Variants in PPP1R1C observed in about 807,000 individuals in gnomAD.
PPP1R1C encodes protein phosphatase 1 regulatory inhibitor subunit 1C, also known as protein phosphatase 1 regulatory subunit 1C.
Under a neutral mutation model 17.4 loss-of-function variants are expected in PPP1R1C, and 15 were observed. The observed-to-expected ratio is 0.86, with a 90% CI of 0.58 to 1.33. PPP1R1C has a LOEUF of 1.33. Ranked by LOEUF, PPP1R1C falls within the 40% of genes most tolerant of loss-of-function variation. The pLI is 0.00. For missense variants in PPP1R1C, 143 were observed against 130.0 expected, an observed-to-expected ratio of 1.10 and a Z score of -0.48; for synonymous variants, 35 against 43.1, an observed-to-expected ratio of 0.81 and a Z score of 0.73.
chr2:182,104,856 G>T (rs150879126), intron 4 of PPP1R1C, among the ~76,000 whole-genome samples: 122 of 152,264 alleles, frequency 8.0e-4, no homozygotes, highest in African/African-American at 2.7e-3. Context: ...TTAAATGTTT[G>T]GCGGAATTCA....
At position 182,117,063 on chromosome 2, in the gene PPP1R1C, G is replaced by A. The variant is rs1689605114; in HGVS notation, c.242-144G>A. The A allele has an allele frequency of 9.2e-6, 6 of 653,558 alleles. No homozygotes were observed. The Admixed American group carries it at 1.2e-4, about 13-fold the overall frequency. The allele number at this position is 653,558 out of a possible 1,614,324, so 40.5% of individuals were successfully genotyped here. Reference sequence around the variant, plus strand: ...CTCAGTGAATTAAAAGGTTTATATAGGATTACATTGTTAAGATTCTTGGAG... The same window carrying A: ...CTCAGTGAATTAAAAGGTTTATATAAGATTACATTGTTAAGATTCTTGGAG... On this transcript the variant is annotated intron_variant, in intron 4 of 4. Coordinates refer to ENST00000682840, the MANE Select transcript of PPP1R1C (RefSeq NM_001080545.3).
At chr2:182,112,983 A>C (rs1480443624) in intron 4 of PPP1R1C, among the ~76,000 whole-genome samples, 1 of 152,212 alleles carries the variant, frequency 6.6e-6, no homozygotes, top group Non-Finnish European at 1.5e-5. Flanking sequence ...TTTGTAACTT[A>C]TAGTACTCAA....
chr2:181,963,858 G>A (rs1684853964), intron 1 of PPP1R1C, among the ~76,000 whole-genome samples: 2 of 151,118 alleles, frequency 1.3e-5, no homozygotes, highest in South Asian at 4.2e-4. Flanking sequence ...GTATTTATGA[G>A]GTACGTAAGA....
intron 4 of PPP1R1C, among the ~76,000 whole-genome samples, chr2:182,112,260 C>T (rs974195112): frequency 6.6e-6 from 1 of 151,934 alleles, no homozygotes; most frequent in Non-Finnish European, 1.5e-5. Flanking sequence ...TTCTGTGTTT[C>T]CCAGAGTTCA....
rs1427602202 is a variant in PPP1R1C, at chr2:181,986,188, G to A, written c.78G>A (p.Glu26=). 1.2e-6 allele frequency: 2 copies of A among 1,611,734 alleles called. No individual in the cohort carries two copies. The highest frequency in any genetic ancestry group is 1.7e-6 in the Non-Finnish European group (2 of 1,177,822). Residue 26 remains glutamate (E), a synonymous_variant, in exon 1 of 5, where the codon GAG becomes GAA. Transcript: ENST00000682840. ...FQSQIAPEAA[E]QIRKRRPTPA... ...GTCAGATTGCACCTGAAGCAGCAGA[G>A]CAGGTATGTGAAATTGCATGGAGAA...
chr2:181,974,579 C>T lies in PPP1R1C; in HGVS notation n.112-640C>T, dbSNP rs146114990. Among the ~76,000 whole-genome samples, 26 of 152,316 alleles carry T rather than the reference C, an allele frequency of 1.7e-4. No homozygotes were observed. The East Asian group carries it at 4.8e-3, about 28-fold the overall frequency. On this transcript the variant is annotated intron_variant and non_coding_transcript_variant, in intron 1 of 5. Coordinates refer to the PPP1R1C transcript ENST00000464264. ...TTCTAGAATAAATATGAATCTGAAG[C>T]ATCTCCATGTCAACCTTATATACAG...
chr2:182,048,287 T>C (rs1341251425), intron 2 of PPP1R1C, among the ~76,000 whole-genome samples: 2 of 152,170 alleles, frequency 1.3e-5, no homozygotes, highest in African/African-American at 4.8e-5. Context: ...CTGAAACCAC[T>C]ACCTAGTGGC....
downstream of PPP1R1C, chr2:182,130,405 A>G (rs1400826560): frequency 6.6e-6 from 1 of 152,186 alleles, no homozygotes; most frequent in African/African-American, 2.4e-5. Flanking sequence ...CAAAGACAAC[A>G]TTCTACCTGC....
chr2:182,020,724 C>T (rs1686397081), intron 2 of PPP1R1C, among the ~76,000 whole-genome samples: 1 of 152,108 alleles, frequency 6.6e-6, no homozygotes, highest in Admixed American at 6.6e-5. Context: ...AGTAGGAGCC[C>T]ATATCTTAAG....
chr2:182,127,081 G>A (rs912849000), intron 5 of PPP1R1C, among the ~76,000 whole-genome samples: 21 of 152,034 alleles, frequency 1.4e-4, no homozygotes, highest in Admixed American at 1.2e-3. Context: ...AATCCTGAAA[G>A]TAACAGAATA....
rs1440945942 is a variant in PPP1R1C at position 182,026,835 on chromosome 2, C to T, written c.143-34607C>T. 5.2e-3 allele frequency among the ~76,000 whole-genome samples: 777 copies of T among 150,520 alleles called. 3 individuals carry two copies. The highest frequency in any genetic ancestry group is 7.3e-3 in the Non-Finnish European group (497 of 67,686). On this transcript the variant is annotated intron_variant, in intron 2 of 4. Coordinates refer to ENST00000682840, the MANE Select transcript of PPP1R1C (RefSeq NM_001080545.3). Reference sequence around the variant, plus strand: ...ATTTTCACGATATTGATTCTTCCTACCCATGAGCATAGAATGTTCTTCCAT... The same window carrying T: ...ATTTTCACGATATTGATTCTTCCTATCCATGAGCATAGAATGTTCTTCCAT...
rs1344645763 is a variant in PPP1R1C at position 181,962,784 on chromosome 2, GC to G, written n.111+8151del. ...AGAGTCCCTTTTGTATGAGACTGTG[GC>G]TGGAGATAAAGGAAAGCGGAGCCTG... On this transcript the variant is annotated intron_variant and non_coding_transcript_variant, in intron 1 of 5. Transcript: ENST00000464264. This position sits in a 1 kb window ranked among gnomAD's most constrained non-coding sequence, Gnocchi z 6.0. Among the ~76,000 whole-genome samples the G allele has an allele frequency of 6.6e-6, 1 of 152,148 alleles. No individual in the cohort carries two copies. Among genetic ancestry groups the G allele is most frequent in the African/African-American group, 2.4e-5 (1 of 41,430 alleles).
intron 4 of PPP1R1C, among the ~76,000 whole-genome samples, chr2:182,095,403 A>G (rs189403142): frequency 6.6e-6 from 1 of 152,340 alleles, no homozygotes; most frequent in Non-Finnish European, 1.5e-5. Context: ...GACATTTTAG[A>G]TATTTGGCTT....
chr2:181,985,204 G>A (rs1163907984), upstream of PPP1R1C, among the ~76,000 whole-genome samples: 1 of 152,166 alleles, frequency 6.6e-6, no homozygotes, highest in Non-Finnish European at 1.5e-5. The surrounding 1 kb of genome is among the most constrained non-coding windows in gnomAD (Gnocchi z 4.1). Flanking sequence ...GCTAAATTTA[G>A]CAGCACAATA....
chr2:182,091,090 C>T (rs1430100248), intron 4 of PPP1R1C, among the ~76,000 whole-genome samples: 2 of 152,010 alleles, frequency 1.3e-5, no homozygotes, highest in African/African-American at 4.8e-5. Context: ...TTTTCTTCAA[C>T]CTTAAAGGAG....
Position 181,957,878 on chromosome 2 carries a change from AT to A in PPP1R1C, n.111+3246del, listed in dbSNP as rs1474136729. ...ATTGCATTTCGCTAAAGTGCAAATA[AT>A]TGATAAATGATTCATGAGTCATGCC... On this transcript the variant is annotated intron_variant and non_coding_transcript_variant, in intron 1 of 5. Transcript: ENST00000464264. The surrounding 1 kb of genome is among the most constrained non-coding windows in gnomAD (Gnocchi z 4.2). 2.0e-5 allele frequency among the ~76,000 whole-genome samples: 3 copies of A among 152,252 alleles called. No individual in the cohort carries two copies. Among genetic ancestry groups the A allele is most frequent in the African/African-American group, 7.2e-5 (3 of 41,470 alleles).
intron 2 of PPP1R1C, among the ~76,000 whole-genome samples, chr2:181,991,162 G>A (rs1476280228): frequency 6.6e-6 from 1 of 151,596 alleles, no homozygotes; most frequent in Non-Finnish European, 1.5e-5. Flanking sequence ...TAAATTATAG[G>A]AGTATTTGAA....
chr2:182,030,950 T>A (rs1301037934), intron 2 of PPP1R1C: 1 of 156,018 alleles, frequency 6.4e-6, no homozygotes, highest in Admixed American at 6.5e-5. Flanking sequence ...AAAAGCACAA[T>A]ATTCGGGTGG....
At chr2:182,124,027 T>G (rs1689803437) in intron 5 of PPP1R1C, among the ~76,000 whole-genome samples, 1 of 152,208 alleles carries the variant, frequency 6.6e-6, no homozygotes, top group South Asian at 2.1e-4. Flanking sequence ...AGTTAATTTT[T>G]GTATAAGGTT....
Sources: allele counts gnomAD v4.1 joint callset (sites outside exome capture counted in the v4.1 genomes callset), GRCh38; gene constraint gnomAD v4.1.1; non-coding constraint Gnocchi (gnomAD v3.1); transcripts MANE v1.5; gene names NCBI Gene and HGNC (gene_info 2026-07-23, HGNC 2026-07-21).